LPO: variants seen among roughly 807,000 people sequenced by gnomAD.
LPO encodes the protein salivary peroxidase.
In LPO, 70 loss-of-function variants were observed where a neutral mutation model predicts 68.4. That is an observed-to-expected ratio of 1.02 (90% CI 0.84 to 1.25). The LOEUF is 1.25. Among genes scored for constraint, LPO ranks in the 50% most tolerant of loss-of-function variants. The probability of loss-of-function intolerance (pLI) is 0.00; values close to 1 mark genes in which losing one functional copy is unlikely to be tolerated. For synonymous variants in LPO, 360 were observed against 357.6 expected (o/e 1.01, Z -0.08); for missense variants, 873 against 908.4 (o/e 0.96, Z 0.50).
chr17:58,247,538 G>A lies in LPO; in HGVS notation c.225G>A (p.Lys75=). ...PTSRQLSEYL[K]HAKGRTRTAI... The stretch of plus-strand genomic sequence containing the variant: ...GCCGACAGCTCTCAGAATACCTCAA[G>A]CATGCCAAAGGCCGGACGCGCACAG... The change falls in exon 4 of 13, where the codon AAG becomes AAA. Residue 75 remains lysine, a synonymous_variant. Transcript: ENST00000262290. The A allele has an allele frequency of 6.2e-7, 1 of 1,614,118 alleles. No individual in the cohort carries two copies. The highest frequency in any genetic ancestry group is 8.5e-7 in the Non-Finnish European group (1 of 1,180,028).
Position 58,252,417 on chromosome 17 carries a change from A to G in LPO, c.1016A>G (p.His339Arg). The change falls in exon 8 of 13, where the codon CAT (histidine) becomes CGT (arginine). Residue 339 changes from histidine to arginine, a missense_variant. His to Arg is a conservative substitution (Grantham distance 29). Transcript: ENST00000262290. Reference sequence around the variant, plus strand: ...GCTGTCAACCAGGAGGTCTCAGACCATGGACTACCCTACCTGCCCTATGAC... The same window carrying G: ...GCTGTCAACCAGGAGGTCTCAGACCGTGGACTACCCTACCTGCCCTATGAC... ...LMAVNQEVSD[H>R]GLPYLPYDSK... The G allele has an allele frequency of 6.2e-7, 1 of 1,614,134 alleles. No homozygotes were observed.
chr17:58,262,194 T>C (rs1222550567), intron 9 of LPO, among the ~76,000 whole-genome samples: 1 of 152,224 alleles, frequency 6.6e-6, no homozygotes, highest in Non-Finnish European at 1.5e-5. Context: ...AGGATAGGTC[T>C]GTGTGCAGCA....
intron 7 of LPO, chr17:58,251,804 C>T (rs1969963383): frequency 1.9e-6 from 1 of 534,172 alleles, no homozygotes; most frequent in Non-Finnish European, 3.7e-6. Flanking sequence ...ATGCATAATT[C>T]CTGGCACATG....
At chr17:58,241,125 C>CTTTTTTTTT (rs1161572564) in intron 1 of LPO, among the ~76,000 whole-genome samples, 19 of 91,308 alleles carry the variant, frequency 2.1e-4, no homozygotes, top group Non-Finnish European at 2.6e-4. Context: ...TTTCTTTTTT[C>CTTTTTTTTT]TTTTTTTTTT....
At chr17:58,261,183 G>A (rs1377349757) in intron 9 of LPO, among the ~76,000 whole-genome samples, 2 of 152,136 alleles carry the variant, frequency 1.3e-5, no homozygotes, top group Non-Finnish European at 2.9e-5. Context: ...CTAATTTTCT[G>A]TCTAGTAATT....
intron 2 of LPO, chr17:58,243,659 C>A (rs1000895563): frequency 7.3e-5 from 28 of 383,188 alleles, no homozygotes; most frequent in African/African-American, 4.1e-4. Flanking sequence ...TGAGATAGTC[C>A]ACAAGACCAT....
At chr17:58,254,380 C>T (rs1301406152) in intron 8 of LPO, among the ~76,000 whole-genome samples, 2 of 152,136 alleles carry the variant, frequency 1.3e-5, no homozygotes, top group Non-Finnish European at 2.9e-5. Flanking sequence ...TCACCTCAAA[C>T]CCGCATTCCT....
chr17:58,268,340 T>C lies in LPO; in HGVS notation c.*346T>C. On this transcript the variant is annotated 3_prime_UTR_variant, in exon 13 of 13. Transcript: ENST00000262290. ...CCTCTCACCTAGATTGTAAGCTCCC[T>C]GGGCCAGGACTTCAGCCTGCCTCCG... 3.3e-6 allele frequency: 1 copy of C among 301,876 alleles called. No homozygotes were observed. The highest frequency in any genetic ancestry group is 4.8e-5 in the Admixed American group (1 of 20,852). The allele number at this position is 301,876 out of a possible 1,614,324, so 18.7% of individuals were successfully genotyped here. A position where few individuals can be genotyped will look rare whatever the true frequency, so the allele number is the denominator to read the frequency against.
chr17:58,246,649 C>T (rs1231500253), intron 3 of LPO, among the ~76,000 whole-genome samples: 1 of 152,130 alleles, frequency 6.6e-6, no homozygotes. Flanking sequence ...GGAGGCCCAG[C>T]GCGGCCTGCC....
intron 9 of LPO, among the ~76,000 whole-genome samples, chr17:58,257,716 A>G (rs1970098198): frequency 6.6e-6 from 1 of 152,220 alleles, no homozygotes. Context: ...GGAATCTCCA[A>G]ACTGTTCTCC....
chr17:58,243,581 A>G lies in LPO; in HGVS notation c.77-413A>G, dbSNP rs79379842. On this transcript the variant is annotated intron_variant, in intron 2 of 12. Transcript: ENST00000262290. ...ACAAGAGGGAACAGGGAATCCCACC[A>G]TTACTCTCATGCCATCCCCTTCTGT... is the stretch of plus-strand genomic sequence containing the variant. 7.4e-4 allele frequency: 188 copies of G among 253,952 alleles called. 9 individuals carry two copies. The East Asian group carries it at 0.019, about 26-fold the overall frequency. The allele number at this position is 253,952 out of a possible 1,614,324, so 15.7% of individuals were successfully genotyped here. A position where few individuals can be genotyped will look rare whatever the true frequency, so the allele number is the denominator to read the frequency against.
intron 10 of LPO, among the ~76,000 whole-genome samples, chr17:58,265,863 G>C (rs1459465740): frequency 6.6e-6 from 1 of 151,860 alleles, no homozygotes; most frequent in African/African-American, 2.4e-5. Context: ...AGGATTACAG[G>C]CATGAGCCAC....
intron 9 of LPO, among the ~76,000 whole-genome samples, 153 bp downstream of exon 9, chr17:58,255,124 C>G (rs1386698521): frequency 6.6e-6 from 1 of 152,118 alleles, no homozygotes; most frequent in African/African-American, 2.4e-5. Context: ...TTGTCTCATT[C>G]TTTGAAATCC....
chr17:58,261,181 C>G (rs187742237), intron 9 of LPO, among the ~76,000 whole-genome samples: 17 of 152,310 alleles, frequency 1.1e-4, no homozygotes, highest in African/African-American at 3.8e-4. Flanking sequence ...AGCTAATTTT[C>G]TGTCTAGTAA....
At chr17:58,255,297 G>A (rs1231191322) in intron 9 of LPO, among the ~76,000 whole-genome samples, 1 of 152,164 alleles carries the variant, frequency 6.6e-6, no homozygotes, top group Non-Finnish European at 1.5e-5. Context: ...CAGTGATTTG[G>A]GTTATTTTGA....
At position 58,264,931 on chromosome 17, in the gene LPO, C is replaced by T. The variant is rs1457999070; in HGVS notation, c.1476C>T (p.Pro492=). The T allele has an allele frequency of 6.2e-7, 1 of 1,614,212 alleles. No individual in the cohort carries two copies. ...YQPWGPEPEL[P]LHTLFFNTWR... is the part of the protein sequence containing the mutation. ...CATGGGGGCCAGAACCAGAACTCCC[C>T]CTCCACACCCTCTTCTTCAACACTT... Residue 492 remains proline, a synonymous_variant, in exon 10 of 13, where the codon CCC becomes CCT. Transcript: ENST00000262290.
At chr17:58,263,682 G>A (rs1231834094) in intron 9 of LPO, among the ~76,000 whole-genome samples, 1 of 152,114 alleles carries the variant, frequency 6.6e-6, no homozygotes, top group African/African-American at 2.4e-5. Flanking sequence ...CAAGGCTACA[G>A]TGAGCCAAGA....
intron 9 of LPO, among the ~76,000 whole-genome samples, chr17:58,255,361 C>T (rs1970051367): frequency 6.6e-6 from 1 of 152,226 alleles, no homozygotes; most frequent in African/African-American, 2.4e-5. Flanking sequence ...CATGGGCATA[C>T]TCAGCGGATA....
In LPO at chr17:58,261,332, G is replaced by A. The variant is rs72839972; in HGVS notation, c.1267-3390G>A. ...CTGTTGTTTGATCCATATCATTTAG[G>A]ATTGCTTCATCTTCTTGATGGATAG... On this transcript the variant is annotated intron_variant, in intron 9 of 12. Coordinates refer to ENST00000262290, the MANE Select transcript of LPO (RefSeq NM_006151.3). Among the ~76,000 whole-genome samples, 492 of 152,120 alleles carry A rather than the reference G, an allele frequency of 3.2e-3. 2 individuals carry two copies. Among genetic ancestry groups the A allele is most frequent in the Non-Finnish European group, 5.3e-3 (359 of 67,982 alleles).
Sources: gnomAD v4.1 joint callset for allele counts (sites outside exome capture counted in the v4.1 genomes callset) on GRCh38, gnomAD v4.1.1 for gene constraint, MANE v1.5 for transcripts, NCBI Gene and HGNC (gene_info 2026-07-23, HGNC 2026-07-21) for gene names.